The following PFDN2 variants were observed in gnomAD, a reference collection of about 807,000 sequenced individuals.
PFDN2 encodes prefoldin 2.
Under a neutral mutation model 18.3 loss-of-function variants are expected in PFDN2, and 7 were observed. That is an observed-to-expected ratio of 0.38 (90% CI 0.22 to 0.72). PFDN2 has a LOEUF of 0.72. Among genes scored for constraint, PFDN2 ranks in the 30% least tolerant of loss-of-function variants. The pLI, the probability that PFDN2 is intolerant of heterozygous loss-of-function variation, is 0.47. For missense variants in PFDN2, 181 were observed against 199.1 expected (o/e 0.91, Z 0.55); for synonymous variants, 76 against 75.0 (o/e 1.01, Z -0.07).
Position 161,102,145 on chromosome 1 carries a change from A to G in PFDN2, c.191T>C (p.Val64Ala), listed in dbSNP as rs1295651876. Residue 64 changes from valine to alanine, a missense_variant, in exon 3 of 4, where the codon GTA becomes GCA. Val to Ala is a moderately conservative substitution (Grantham distance 64, BLOSUM62 0). Transcript: ENST00000368010. ...HSLVIDTLKE[V>A]DETRKCYRMV... ...GCGGTAGCACTTACGAGTTTCATCTACCTCCTTCAGTGTATCGATCACTAG... is the reference window on the plus strand; with the variant it reads ...GCGGTAGCACTTACGAGTTTCATCTGCCTCCTTCAGTGTATCGATCACTAG... 6.2e-7 allele frequency: 1 copy of G among 1,613,942 alleles called. No individual in the cohort carries two copies. The highest frequency in any genetic ancestry group is 8.5e-7 in the Non-Finnish European group (1 of 1,180,008).
At chr1:161,103,683 CAAAAA>C (rs553472563) in intron 1 of PFDN2, among the ~76,000 whole-genome samples, 4 of 74,918 alleles carry the variant, frequency 5.3e-5, no homozygotes, top group African/African-American at 1.7e-4. Flanking sequence ...GACTCCGTCT[CAAAAA>C]AAAAAAAAAA....
chr1:161,112,109 C>T (rs993549647), intron 1 of PFDN2, among the ~76,000 whole-genome samples: 2 of 152,158 alleles, frequency 1.3e-5, no homozygotes, highest in African/African-American at 4.8e-5. Flanking sequence ...CAATAAAATA[C>T]AGATTAATAC....
intron 1 of PFDN2, among the ~76,000 whole-genome samples, chr1:161,108,710 C>T (rs961625390): frequency 2.6e-5 from 4 of 152,140 alleles, no homozygotes; most frequent in Non-Finnish European, 5.9e-5. Flanking sequence ...CACTGCATGT[C>T]GCTAGAAAGC....
At chr1:161,104,447 CTTT>C (rs550881339) in intron 1 of PFDN2, among the ~76,000 whole-genome samples, 1 of 137,776 alleles carries the variant, frequency 7.3e-6, no homozygotes, top group Admixed American at 7.3e-5. Context: ...TTTTCTTTTT[CTTT>C]TTTTTTTTTT....
chr1:161,110,292 C>T (rs538889738), intron 1 of PFDN2, among the ~76,000 whole-genome samples: 21 of 151,834 alleles, frequency 1.4e-4, no homozygotes, highest in East Asian at 3.9e-4. Context: ...ACCTGGGAGG[C>T]GGGGGTTGCA....
At chr1:161,100,920 T>C in intron 3 of PFDN2, 61 bp from the exon 4 acceptor site, 1 of 1,266,074 alleles carries the variant, frequency 7.9e-7, no homozygotes, top group Non-Finnish European at 1.1e-6. Context: ...CCACCTGGAA[T>C]GGACTATGGT....
chr1:161,115,692 A>G (rs1448482453), intron 1 of PFDN2, among the ~76,000 whole-genome samples: 1 of 152,216 alleles, frequency 6.6e-6, no homozygotes, highest in African/African-American at 2.4e-5. Context: ...TATTTTGAAA[A>G]AGAGAGACCA....
intron 1 of PFDN2, among the ~76,000 whole-genome samples, chr1:161,103,271 T>A (rs1654608802): frequency 6.6e-6 from 1 of 152,164 alleles, no homozygotes; most frequent in Non-Finnish European, 1.5e-5. Context: ...TGACCTTCCA[T>A]TCCTATTCCT....
At position 161,101,434 on chromosome 1, in the gene PFDN2, C is replaced by T. The variant is rs540732056; in HGVS notation, c.289-575G>A. 6.1e-3 allele frequency among the ~76,000 whole-genome samples: 919 copies of T among 151,626 alleles called. 7 individuals carry two copies. The highest frequency in any genetic ancestry group is 0.02 in the African/African-American group (807 of 41,312). On this transcript the variant is annotated intron_variant, in intron 3 of 3. Transcript: ENST00000368010. ...CAGGATGGTCTTGACCTCCTGACCT[C>T]GTGATCCGCCCGCCTCGGCCTCCCA... is the stretch of plus-strand genomic sequence containing the variant.
chr1:161,103,441 G>A (rs1016863637), intron 1 of PFDN2, among the ~76,000 whole-genome samples: 1 of 150,996 alleles, frequency 6.6e-6, no homozygotes, highest in Non-Finnish European at 1.5e-5. Flanking sequence ...TGTAATCGCA[G>A]CACTTTGGGA....
At chr1:161,105,544 G>T (rs1654660960) in intron 1 of PFDN2, among the ~76,000 whole-genome samples, 1 of 149,906 alleles carries the variant, frequency 6.7e-6, no homozygotes, top group African/African-American at 2.5e-5. Context: ...TGCAACCTCC[G>T]CCTCCCGGGT....
At chr1:161,109,867 C>A (rs542810700) in intron 1 of PFDN2, among the ~76,000 whole-genome samples, 1 of 151,274 alleles carries the variant, frequency 6.6e-6, no homozygotes, top group Non-Finnish European at 1.5e-5. Context: ...CTGGCCAACA[C>A]GGTGAAACCC....
chr1:161,116,845 G>A (rs927446224), intron 1 of PFDN2, among the ~76,000 whole-genome samples: 1 of 152,126 alleles, frequency 6.6e-6, no homozygotes, highest in Non-Finnish European at 1.5e-5. Flanking sequence ...CTGGATGACA[G>A]AGCGAAACTC....
intron 1 of PFDN2, among the ~76,000 whole-genome samples, chr1:161,108,788 C>T (rs1468453769): frequency 6.6e-6 from 1 of 152,086 alleles, no homozygotes; most frequent in African/African-American, 2.4e-5. Flanking sequence ...TTCTCTTTCC[C>T]CAGAGCCCTA....
At chr1:161,101,651 C>T (rs1654563684) in intron 3 of PFDN2, among the ~76,000 whole-genome samples, 1 of 152,204 alleles carries the variant, frequency 6.6e-6, no homozygotes, top group South Asian at 2.1e-4. Context: ...AACCCCAATC[C>T]TCCCACCCCA....
At chr1:161,108,371 T>C (rs1003571070) in intron 1 of PFDN2, among the ~76,000 whole-genome samples, 5 of 150,692 alleles carry the variant, frequency 3.3e-5, no homozygotes, top group African/African-American at 1.2e-4. Context: ...GGCAGGAGAA[T>C]CGCTTGAACC....
intron 1 of PFDN2, among the ~76,000 whole-genome samples, chr1:161,109,061 C>G (rs988678186): frequency 5.3e-5 from 8 of 152,186 alleles, no homozygotes; most frequent in Non-Finnish European, 7.4e-5. Flanking sequence ...AGGATAAAAT[C>G]TGAACTCCTC....
chr1:161,110,510 T>C (rs1382272145), intron 1 of PFDN2, among the ~76,000 whole-genome samples: 1 of 152,160 alleles, frequency 6.6e-6, no homozygotes, highest in Non-Finnish European at 1.5e-5. Flanking sequence ...CCTGTTTTCT[T>C]TTTTGTTTAC....
chr1:161,106,779 T>C (rs991469062), intron 1 of PFDN2, among the ~76,000 whole-genome samples: 8 of 149,962 alleles, frequency 5.3e-5, no homozygotes, highest in African/African-American at 9.9e-5. Context: ...TAGGACTATA[T>C]AGGCACCCAT....
Sources: allele counts gnomAD v4.1 joint callset (sites outside exome capture counted in the v4.1 genomes callset), GRCh38; gene constraint gnomAD v4.1.1; transcripts MANE v1.5; gene names NCBI Gene and HGNC (gene_info 2026-07-23, HGNC 2026-07-21).